GMEB2: variants seen among roughly 807,000 people sequenced by gnomAD.
GMEB2 encodes glucocorticoid modulatory element binding protein 2, also known as glucocorticoid modulatory element-binding protein 2.
A neutral mutation model predicts 45.7 loss-of-function variants in GMEB2; 7 were observed. The ratio of observed to expected loss-of-function variants is 0.15; its 90% CI spans 0.09 to 0.29. The LOEUF is 0.29. GMEB2 is among the 10% of genes least tolerant of loss of function. GMEB2 has a pLI of 1.00. For missense variants in GMEB2, 582 were observed against 739.2 expected (o/e 0.79, Z 2.47); for synonymous variants, 322 against 323.6 (o/e 1.00, Z 0.05).
chr20:63,614,727 T>C (rs2089595714), intron 2 of GMEB2, among the ~76,000 whole-genome samples: 1 of 152,112 alleles, frequency 6.6e-6, no homozygotes. Context: ...AGCAAATTAG[T>C]GAAAGTACTG....
chr20:63,599,040 T>C (rs577532850), intron 4 of GMEB2, among the ~76,000 whole-genome samples: 5 of 152,222 alleles, frequency 3.3e-5, no homozygotes, highest in Non-Finnish European at 7.3e-5. Context: ...GGAAGCTACA[T>C]GCTGTACTCT....
intron 2 of GMEB2, among the ~76,000 whole-genome samples, chr20:63,617,167 T>C (rs1325371251): frequency 6.6e-6 from 1 of 152,014 alleles, no homozygotes; most frequent in Non-Finnish European, 1.5e-5. Context: ...TTTGTAGAGA[T>C]GGGGTTTTGC....
In GMEB2 at chr20:63,589,425, C is replaced by T. The variant is rs183383748; in HGVS notation, c.*664G>A. On this transcript the variant is annotated 3_prime_UTR_variant, in exon 10 of 10. Coordinates refer to ENST00000370077, the MANE Select transcript of GMEB2 (RefSeq NM_012384.5). The stretch of plus-strand genomic sequence containing the variant: ...TACATGTGCAACAATGCCTGGACCA[C>T]GCCTCGTCTGTGCGGCCCCTGGGCC... 19 of 370,318 alleles carry T rather than the reference C, an allele frequency of 5.1e-5. No individual in the cohort carries two copies. The highest frequency in any genetic ancestry group is 4.6e-4 in the Admixed American group (10 of 21,734). The allele number at this position is 370,318 out of a possible 1,614,324, so 22.9% of individuals were successfully genotyped here. A position where few individuals can be genotyped will look rare whatever the true frequency, so the allele number is the denominator to read the frequency against.
Position 63,593,149 on chromosome 20 carries a change from T to A in GMEB2, c.620-67A>T. 1.1e-6 allele frequency: 1 copy of A among 894,600 alleles called. No homozygotes were observed. The highest frequency in any genetic ancestry group is 1.8e-6 in the Non-Finnish European group (1 of 541,486). The allele number at this position is 894,600 out of a possible 1,614,324, so 55.4% of individuals were successfully genotyped here. On this transcript the variant is annotated intron_variant, in intron 6 of 9. Coordinates refer to ENST00000370077, the MANE Select transcript of GMEB2 (RefSeq NM_012384.5). The surrounding 1 kb of genome is among the most constrained non-coding windows in gnomAD (Gnocchi z 4.7). The stretch of plus-strand genomic sequence containing the variant: ...ACAGTCCCACACCCCACATACCCTG[T>A]CCACCCTCCTCACACCACCTTCTGA...
chr20:63,621,667 CAAAAAA>C (rs56222018), intron 1 of GMEB2, among the ~76,000 whole-genome samples: 54 of 54,594 alleles, frequency 9.9e-4, no homozygotes, highest in Non-Finnish European at 1.3e-3. Context: ...AACTCCATCT[CAAAAAA>C]AAAAAAAAAA....
chr20:63,627,010 C>G lies in GMEB2; in HGVS notation c.-112G>C, dbSNP rs1279682414. ...CCGGCGGGGGCGGCGGCGTCGGGAG[C>G]TGCGGCGGCGGCGGGCGGCGGCGGC... is the stretch of plus-strand genomic sequence containing the variant. On this transcript the variant is annotated 5_prime_UTR_variant, in exon 1 of 10. Coordinates refer to ENST00000370077, the MANE Select transcript of GMEB2 (RefSeq NM_012384.5). The G allele has an allele frequency of 6.7e-6, 1 of 149,214 alleles. No individual in the cohort carries two copies. Among genetic ancestry groups the G allele is most frequent in the African/African-American group, 2.5e-5 (1 of 40,624 alleles). The allele number at this position is 149,214 out of a possible 1,614,324, so 9.2% of individuals were successfully genotyped here.
chr20:63,626,764 C>A (rs1039050740), intron 1 of GMEB2, among the ~76,000 whole-genome samples, 192 bp downstream of exon 1: 1 of 146,824 alleles, frequency 6.8e-6, no homozygotes, highest in African/African-American at 2.4e-5. Flanking sequence ...CGCCCGCCAC[C>A]GCCCGCGCCG....
At position 63,592,229 on chromosome 20, in the gene GMEB2, C is replaced by A; in HGVS notation, c.830-85G>T. 7.5e-7 allele frequency: 1 copy of A among 1,327,970 alleles called. No homozygotes were observed. The highest frequency in any genetic ancestry group is 2.0e-5 in the Admixed American group (1 of 50,610). 82.3% of individuals were successfully genotyped at this position (1,327,970 alleles called of 1,614,324 possible). On this transcript the variant is annotated intron_variant, in intron 8 of 9. Coordinates refer to ENST00000370077, the MANE Select transcript of GMEB2 (RefSeq NM_012384.5). This position sits in a 1 kb window ranked among gnomAD's most constrained non-coding sequence, Gnocchi z 8.2. ...ACGCTCGGTGAGAGCCCGGGACCTT[C>A]CTAGAGAGTCACGTGGACGCTCGGT...
At chr20:63,591,729 C>G (rs1161995769) in intron 9 of GMEB2, among the ~76,000 whole-genome samples, 2 of 152,188 alleles carry the variant, frequency 1.3e-5, no homozygotes, top group African/African-American at 4.8e-5. Flanking sequence ...CCTCCCAAAG[C>G]GCTGGGATAA....
At chr20:63,614,510 C>G (rs1370598445) in intron 2 of GMEB2, among the ~76,000 whole-genome samples, 1 of 152,216 alleles carries the variant, frequency 6.6e-6, no homozygotes, top group Non-Finnish European at 1.5e-5. Context: ...CTTAGCAAAC[C>G]AGGAAAGAGA....
At chr20:63,606,296 TA>T (rs532850166) in intron 2 of GMEB2, among the ~76,000 whole-genome samples, 196 of 150,700 alleles carry the variant, frequency 1.3e-3, no homozygotes, top group Middle Eastern at 3.4e-3. Context: ...AACTTTGCCT[TA>T]AAAAATAAAA....
At position 63,593,041 on chromosome 20, in the gene GMEB2, C is replaced by T. The variant is rs780984810; in HGVS notation, c.661G>A (p.Asp221Asn). 1 of 1,612,250 alleles carries T rather than the reference C, an allele frequency of 6.2e-7. No individual in the cohort carries two copies. Among genetic ancestry groups the T allele is most frequent in the Non-Finnish European group, 8.5e-7 (1 of 1,178,928 alleles). Reference sequence around the variant, plus strand: ...ATGGCCGCGGTCCAGTCGCCAGGGTCTTCACAGGTCTCTATGGTGATGGTC... The same window carrying T: ...ATGGCCGCGGTCCAGTCGCCAGGGTTTTCACAGGTCTCTATGGTGATGGTC... ...PATITIETCE[D>N]PGDWTAAIGD... The change falls in exon 7 of 10, where the codon GAC (aspartate) becomes AAC (asparagine). Residue 221 changes from aspartate (D) to asparagine (N), a missense_variant. Coordinates refer to ENST00000370077, the MANE Select transcript of GMEB2 (RefSeq NM_012384.5). The surrounding 1 kb of genome is among the most constrained non-coding windows in gnomAD (Gnocchi z 4.7).
chr20:63,616,181 C>T (rs899266329), intron 2 of GMEB2, among the ~76,000 whole-genome samples: 10 of 152,228 alleles, frequency 6.6e-5, no homozygotes, highest in African/African-American at 1.9e-4. Flanking sequence ...CAGTGGCTCG[C>T]GCCTGTAATT....
intron 2 of GMEB2, among the ~76,000 whole-genome samples, chr20:63,617,221 C>G (rs1247948198): frequency 6.6e-6 from 1 of 152,118 alleles, no homozygotes; most frequent in East Asian, 1.9e-4. Flanking sequence ...AGTGATCTGT[C>G]TCCCTCGGCC....
rs1164122421 is a variant in GMEB2, at chr20:63,609,898, T to C, written c.132-5058A>G. Among the ~76,000 whole-genome samples, 93 of 133,484 alleles carry C rather than the reference T, an allele frequency of 7.0e-4. No individual in the cohort carries two copies. The East Asian group carries it at 0.022, about 31-fold the overall frequency. The allele number at this position is 133,484 out of a possible 152,430, so 87.6% of individuals were successfully genotyped here. On this transcript the variant is annotated intron_variant, in intron 2 of 9. Transcript: ENST00000370077. The stretch of plus-strand genomic sequence containing the variant: ...GAAACATGCCCCTCTGACCCACACA[T>C]CCATTTCTAGAAACATGCCCCTCTG...
At position 63,592,956 on chromosome 20, in the gene GMEB2, A is replaced by G. The variant is rs550652242; in HGVS notation, c.691+55T>C. On this transcript the variant is annotated intron_variant, in intron 7 of 9. Coordinates refer to ENST00000370077, the MANE Select transcript of GMEB2 (RefSeq NM_012384.5). The surrounding 1 kb of genome is among the most constrained non-coding windows in gnomAD (Gnocchi z 8.2). Reference sequence around the variant, plus strand: ...CCCCTGTGTGGCCCGAGGTGGGCAGAGACTCCACCACCCCGCCAGGGCTTG... The same window carrying G: ...CCCCTGTGTGGCCCGAGGTGGGCAGGGACTCCACCACCCCGCCAGGGCTTG... The G allele has an allele frequency of 3.3e-6, 4 of 1,211,572 alleles. No individual in the cohort carries two copies. The Admixed American group carries it at 7.7e-5, about 23-fold the overall frequency. 75.1% of individuals were successfully genotyped at this position (1,211,572 alleles called of 1,614,324 possible). A position where few individuals can be genotyped will look rare whatever the true frequency, so the allele number is the denominator to read the frequency against.
intron 4 of GMEB2, among the ~76,000 whole-genome samples, chr20:63,600,996 A>G (rs1008787817): frequency 2.6e-5 from 4 of 152,168 alleles, no homozygotes; most frequent in African/African-American, 9.7e-5. Context: ...CTTTCCCACC[A>G]CAGCTACGAC....
In GMEB2 at chr20:63,593,022, G is replaced by A. The variant is rs199988057; in HGVS notation, c.680C>T (p.Ala227Val). 2.7e-5 allele frequency: 43 copies of A among 1,609,180 alleles called. No individual in the cohort carries two copies. Among genetic ancestry groups the A allele is most frequent in the Admixed American group, 1.0e-4 (6 of 59,738 alleles). Residue 227 changes from alanine (A) to valine (V), a missense_variant, in exon 7 of 10, where the codon GCG becomes GTG. By Grantham distance (64) the Ala-to-Val change is moderately conservative. Transcript: ENST00000370077. The surrounding 1 kb of genome is among the most constrained non-coding windows in gnomAD (Gnocchi z 4.7). Reference sequence around the variant, plus strand: ...GAGGAACCTCGTACCTCCAATGGCCGCGGTCCAGTCGCCAGGGTCTTCACA... The same window carrying A: ...GAGGAACCTCGTACCTCCAATGGCCACGGTCCAGTCGCCAGGGTCTTCACA... Reference protein sequence around the residue: ...ETCEDPGDWTAAIGDDTFTFW... With the variant: ...ETCEDPGDWTVAIGDDTFTFW...
chr20:63,604,010 T>C lies in GMEB2; in HGVS notation c.229+733A>G, dbSNP rs530396035. Among the ~76,000 whole-genome samples the C allele has an allele frequency of 3.5e-4, 51 of 147,060 alleles. No homozygotes were observed. The South Asian group carries it at 4.5e-3, about 13-fold the overall frequency. On this transcript the variant is annotated intron_variant, in intron 3 of 9. Coordinates refer to ENST00000370077, the MANE Select transcript of GMEB2 (RefSeq NM_012384.5). ...CAGAAGTTGCAGTGAGCTGAGATCA[T>C]GCCATCACACTCTAGCCTGGGCGAC...
Sources: allele counts gnomAD v4.1 joint callset (sites outside exome capture counted in the v4.1 genomes callset), GRCh38; gene constraint gnomAD v4.1.1; non-coding constraint Gnocchi (gnomAD v3.1); transcripts MANE v1.5; gene names NCBI Gene and HGNC (gene_info 2026-07-23, HGNC 2026-07-21).